The following DYNC2H1 variants were observed in gnomAD, a reference collection of about 807,000 sequenced individuals.
The protein encoded by DYNC2H1 is dynein cytoplasmic 2 heavy chain 1.
DYNC2H1 carries 410 observed loss-of-function variants against 570.0 expected under a neutral mutation model. The observed-to-expected ratio is 0.72, with a 90% confidence interval of 0.66 to 0.78. The LOEUF is 0.78. DYNC2H1 is among the 30% of genes least tolerant of loss of function. The pLI is 0.00. For missense variants in DYNC2H1, 4,865 were observed against 5,046.4 expected (o/e 0.96, Z 1.09); for synonymous variants, 1,688 against 1,677.6 (o/e 1.01, Z -0.15).
chr11:103,286,109 T>C (rs565424965), intron 73 of DYNC2H1, 146 bp from the exon 74 acceptor site: 1 of 1,118,944 alleles, frequency 8.9e-7, no homozygotes, highest in East Asian at 2.4e-5. Flanking sequence ...GTTGCCAACC[T>C]AGAAATAATT....
chr11:103,243,337 A>G lies in DYNC2H1; in HGVS notation c.9820-356A>G, dbSNP rs769466536. 2.6e-5 allele frequency among the ~76,000 whole-genome samples: 4 copies of G among 152,120 alleles called. No homozygotes were observed. The highest frequency in any genetic ancestry group is 5.9e-5 in the Non-Finnish European group (4 of 68,024). ...GAGAATAATTTGACTGTGTATTATA[A>G]AAGCCAAAAAGAATGCTGCAAATGA... On this transcript the variant is annotated intron_variant, in intron 63 of 88. Transcript: ENST00000375735. The surrounding 1 kb of genome is among the most constrained non-coding windows in gnomAD (Gnocchi z 4.8).
intron 65 of DYNC2H1, among the ~76,000 whole-genome samples, chr11:103,251,476 G>C (rs1358376019): frequency 2.0e-5 from 3 of 151,968 alleles, no homozygotes; most frequent in Non-Finnish European, 4.4e-5. Context: ...ATCATAAAAT[G>C]CTTTTCTGTC....
intron 82 of DYNC2H1, among the ~76,000 whole-genome samples, chr11:103,349,283 T>A (rs1465215256): frequency 6.6e-6 from 1 of 152,184 alleles, no homozygotes; most frequent in Non-Finnish European, 1.5e-5. Context: ...ATATAATAGA[T>A]ATTATTTTAA....
chr11:103,120,306 A>T, intron 6 of DYNC2H1, 141 bp from the exon 7 acceptor site: 1 of 710,976 alleles, frequency 1.4e-6, no homozygotes, highest in Non-Finnish European at 2.2e-6. Flanking sequence ...TCTCTGGACT[A>T]GAGTTTCAGT....
chr11:103,134,461 C>A (rs1196747354), intron 15 of DYNC2H1, 42 bp downstream of exon 15: 1 of 1,492,962 alleles, frequency 6.7e-7, no homozygotes, highest in Non-Finnish European at 9.1e-7. Context: ...TGAAATATGA[C>A]CTTTTCAGAA....
intron 82 of DYNC2H1, 141 bp from the exon 83 acceptor site, chr11:103,358,102 G>T: frequency 2.0e-6 from 1 of 512,658 alleles, no homozygotes; most frequent in Non-Finnish European, 3.4e-6. Context: ...ATTGAAGAGA[G>T]ATAATAAGAT....
intron 75 of DYNC2H1, among the ~76,000 whole-genome samples, chr11:103,288,695 A>AAAAG (rs1422531179): frequency 2.1e-5 from 3 of 145,322 alleles, no homozygotes; most frequent in Admixed American, 6.9e-5. Context: ...AAAAAAAAAA[A>AAAAG]AAAAAAAAAA....
chr11:103,112,948 T>G (rs1858183815), intron 1 of DYNC2H1, among the ~76,000 whole-genome samples: 1 of 152,246 alleles, frequency 6.6e-6, no homozygotes, highest in Admixed American at 6.5e-5. Context: ...TCTAGCTATA[T>G]GACAATTTAA....
chr11:103,127,953 A>G (rs960006466), intron 12 of DYNC2H1, among the ~76,000 whole-genome samples: 8 of 152,200 alleles, frequency 5.3e-5, no homozygotes, highest in African/African-American at 1.9e-4. Flanking sequence ...GCTATTTCAT[A>G]CTGACCGGTC....
rs1160585361 is a variant in DYNC2H1 at position 103,334,523 on chromosome 11, AC to A, written c.12039+10535del. Reference sequence around the variant, plus strand: ...TTTAATTACAAAAACCATTTTTATTACCAAAAACAGTTTTAGTTGGCATTTT... The same window carrying A: ...TTTAATTACAAAAACCATTTTTATTACAAAAACAGTTTTAGTTGGCATTTT... On this transcript the variant is annotated intron_variant, in intron 82 of 88. Transcript: ENST00000375735. This position sits in a 1 kb window ranked among gnomAD's most constrained non-coding sequence, Gnocchi z 4.3. Among the ~76,000 whole-genome samples, 1 of 152,130 alleles carries A rather than the reference AC, an allele frequency of 6.6e-6. No homozygotes were observed. Among genetic ancestry groups the A allele is most frequent in the Non-Finnish European group, 1.5e-5 (1 of 67,974 alleles).
chr11:103,159,079 C>T (rs1860969556), intron 28 of DYNC2H1, 52 bp downstream of exon 28: 1 of 1,424,740 alleles, frequency 7.0e-7, no homozygotes, highest in Non-Finnish European at 9.8e-7. Flanking sequence ...AACTGTCTGC[C>T]AGGCCTAATA....
At chr11:103,152,313 AT>A in intron 21 of DYNC2H1, 28 bp downstream of exon 21, 1 of 1,552,146 alleles carries the variant, frequency 6.4e-7, no homozygotes, top group Non-Finnish European at 8.6e-7. Flanking sequence ...ATTTATTAAA[AT>A]GGGAACTTTT....
At chr11:103,434,437 T>G (rs980705261) in intron 84 of DYNC2H1, among the ~76,000 whole-genome samples, 42 of 150,636 alleles carry the variant, frequency 2.8e-4, no homozygotes, top group African/African-American at 9.8e-4. Context: ...TTTTTTTTTT[T>G]TTAAGTCCTC....
intron 87 of DYNC2H1, among the ~76,000 whole-genome samples, chr11:103,459,308 C>A (rs1241498061): frequency 1.1e-4 from 6 of 52,428 alleles, no homozygotes; most frequent in Non-Finnish European, 1.7e-4. Context: ...GACTCCGTCT[C>A]AAAAAAAAAA....
chr11:103,230,724 G>T (rs1378466191), intron 59 of DYNC2H1, among the ~76,000 whole-genome samples: 2 of 152,032 alleles, frequency 1.3e-5, no homozygotes, highest in African/African-American at 4.8e-5. Context: ...CGGTATGTTA[G>T]TTATTACTTT....
At chr11:103,435,238 G>A (rs976449962) in intron 84 of DYNC2H1, among the ~76,000 whole-genome samples, 2 of 152,102 alleles carry the variant, frequency 1.3e-5, no homozygotes, top group African/African-American at 4.8e-5. Context: ...ATCAGACAGT[G>A]TTTGGGGTAT....
chr11:103,427,953 T>C (rs1290410896), intron 84 of DYNC2H1, among the ~76,000 whole-genome samples: 2 of 151,758 alleles, frequency 1.3e-5, no homozygotes, highest in African/African-American at 4.8e-5. Context: ...AGAACCAGAT[T>C]ATAATATGAA....
intron 6 of DYNC2H1, among the ~76,000 whole-genome samples, chr11:103,119,251 T>C (rs1378596329): frequency 1.3e-5 from 2 of 152,150 alleles, no homozygotes; most frequent in African/African-American, 4.8e-5. Flanking sequence ...TAGTTATTAT[T>C]ATTATTATAC....
rs1024178164 is a variant in DYNC2H1 at position 103,446,061 on chromosome 11, G to C, written c.12457-9125G>C. ...TTTTGTTGTTGTTGTTGTTGTTGTT[G>C]TTGTTGTTTAGGGAGGAGGGGAGTG... On this transcript the variant is annotated intron_variant, in intron 85 of 88. Transcript: ENST00000375735. The surrounding 1 kb of genome is among the most constrained non-coding windows in gnomAD (Gnocchi z 4.5). Among the ~76,000 whole-genome samples the C allele has an allele frequency of 6.6e-6, 1 of 151,922 alleles. No homozygotes were observed. The highest frequency in any genetic ancestry group is 1.5e-5 in the Non-Finnish European group (1 of 67,994).
Sources: gnomAD v4.1 joint callset for allele counts (sites outside exome capture counted in the v4.1 genomes callset) on GRCh38, gnomAD v4.1.1 for gene constraint, Gnocchi (gnomAD v3.1) non-coding constraint, MANE v1.5 for transcripts, NCBI Gene and HGNC (gene_info 2026-07-23, HGNC 2026-07-21) for gene names.